Variants in GRAMD1B observed in about 807,000 individuals in gnomAD.
The protein encoded by GRAMD1B is protein Aster-B.
A neutral mutation model predicts 99.7 loss-of-function variants in GRAMD1B; 37 were observed. The ratio of observed to expected loss-of-function variants is 0.37; its 90% confidence interval spans 0.29 to 0.49. The LOEUF (loss-of-function observed/expected upper bound fraction) is 0.49. Among genes scored for constraint, GRAMD1B ranks in the 20% least tolerant of loss-of-function variants. The pLI is 0.98. For synonymous variants in GRAMD1B, 427 were observed against 387.6 expected (o/e 1.10, Z -1.19); for missense variants, 888 against 1,009.2 (o/e 0.88, Z 1.63).
chr11:123,434,265 C>T (rs990365805), intron 1 of GRAMD1B, among the ~76,000 whole-genome samples: 5 of 132,816 alleles, frequency 3.8e-5, no homozygotes, highest in Middle Eastern at 3.9e-3. Flanking sequence ...CCACCACCAA[C>T]AAAAAACAAG....
At chr11:123,513,515 TTTCC>T (rs58960047) in intron 2 of GRAMD1B, among the ~76,000 whole-genome samples, 5,857 of 144,656 alleles carry the variant, frequency 0.04, 155 homozygotes, top group Middle Eastern at 0.059. Context: ...TCTTTCTTTC[TTTCC>T]TTCCTTCCTT....
intron 1 of GRAMD1B, among the ~76,000 whole-genome samples, chr11:123,417,872 T>A (rs543139979): frequency 6.6e-6 from 1 of 152,064 alleles, no homozygotes; most frequent in Non-Finnish European, 1.5e-5. Context: ...GAGGTGGAGG[T>A]TGCAGTGAGC....
chr11:123,431,134 G>C lies in GRAMD1B; in HGVS notation c.342G>C (p.Arg114Ser). 1 of 702,960 alleles carries C rather than the reference G, an allele frequency of 1.4e-6. No homozygotes were observed. The highest frequency in any genetic ancestry group is 2.7e-5 in the East Asian group (1 of 37,276). 43.5% of individuals were successfully genotyped at this position (702,960 alleles called of 1,614,324 possible). A position where few individuals can be genotyped will look rare whatever the true frequency, so the allele number is the denominator to read the frequency against. Residue 114 changes from arginine (R) to serine (S), a missense_variant, in exon 1 of 20, where the codon AGG becomes AGC. Coordinates refer to ENST00000635736, the MANE Select transcript of GRAMD1B (RefSeq NM_001387025.1). ...RKRFLLRKWL[R>S]VRERKECSES... Reference sequence around the variant, plus strand: ...GCTTCCTCCTCCGCAAGTGGCTGAGGGTGAGGGAGCGGAAGGAGTGCAGTG... The same window carrying C: ...GCTTCCTCCTCCGCAAGTGGCTGAGCGTGAGGGAGCGGAAGGAGTGCAGTG...
At chr11:123,372,328 G>T (rs1946556108) in intron 1 of GRAMD1B, among the ~76,000 whole-genome samples, 1 of 152,094 alleles carries the variant, frequency 6.6e-6, no homozygotes, top group South Asian at 2.1e-4. Context: ...TATGTTCCTG[G>T]CCATTTAGGA....
chr11:123,508,023 TAAC>T (rs779351911), intron 2 of GRAMD1B, among the ~76,000 whole-genome samples: 1 of 152,220 alleles, frequency 6.6e-6, no homozygotes, highest in Non-Finnish European at 1.5e-5. Flanking sequence ...TAGTTATCTT[TAAC>T]ATGGGGGAAA....
chr11:123,499,156 G>A (rs1185540526), intron 2 of GRAMD1B, among the ~76,000 whole-genome samples: 4 of 152,154 alleles, frequency 2.6e-5, no homozygotes, highest in African/African-American at 9.7e-5. Flanking sequence ...CCTCTGGGAG[G>A]TAATTAGGAT....
At chr11:123,470,342 C>T (rs1950949741) in intron 1 of GRAMD1B, among the ~76,000 whole-genome samples, 1 of 152,150 alleles carries the variant, frequency 6.6e-6, no homozygotes, top group Admixed American at 6.5e-5. Context: ...GAGAGCAGCT[C>T]ATATTTTTTT....
chr11:123,578,948 G>A (rs143326684), intron 3 of GRAMD1B, among the ~76,000 whole-genome samples: 2 of 152,274 alleles, frequency 1.3e-5, no homozygotes, highest in Admixed American at 6.5e-5. Flanking sequence ...CTCTGCCTGC[G>A]TACTCTGTTC....
chr11:123,381,360 ATT>A (rs1946866647), intron 1 of GRAMD1B: 8 of 154,196 alleles, frequency 5.2e-5, no homozygotes, highest in Admixed American at 2.6e-4. Flanking sequence ...TGGCAATCCA[ATT>A]CTCCCTATTG....
At chr11:123,568,475 C>A (rs923508765) in intron 2 of GRAMD1B, among the ~76,000 whole-genome samples, 1 of 152,232 alleles carries the variant, frequency 6.6e-6, no homozygotes, top group Non-Finnish European at 1.5e-5. Flanking sequence ...TTGGAAAGGC[C>A]TCCAGGAATC....
chr11:123,401,112 T>C (rs914326868), intron 1 of GRAMD1B, among the ~76,000 whole-genome samples: 1 of 152,196 alleles, frequency 6.6e-6, no homozygotes, highest in African/African-American at 2.4e-5. Context: ...TATTTCCACT[T>C]TCTAGATGAA....
At chr11:123,488,667 G>A (rs1485689438) in intron 2 of GRAMD1B, among the ~76,000 whole-genome samples, 1 of 139,846 alleles carries the variant, frequency 7.2e-6, no homozygotes, top group African/African-American at 2.5e-5. Flanking sequence ...GAAAGCTTTG[G>A]CCCTCCTCCT....
chr11:123,579,365 A>C (rs1949080502), intron 3 of GRAMD1B, among the ~76,000 whole-genome samples: 1 of 152,200 alleles, frequency 6.6e-6, no homozygotes, highest in Non-Finnish European at 1.5e-5. Flanking sequence ...TCCTAAGGGA[A>C]GCACAAGGGG....
chr11:123,593,268 T>A (rs539865419), intron 4 of GRAMD1B, among the ~76,000 whole-genome samples: 47 of 149,272 alleles, frequency 3.1e-4, no homozygotes, highest in Non-Finnish European at 6.3e-4. Context: ...CAAACAAGAT[T>A]GTAAGCCCTC....
intron 1 of GRAMD1B, chr11:123,435,531 C>T: frequency 1.5e-6 from 1 of 686,948 alleles, no homozygotes; most frequent in Non-Finnish European, 2.6e-6. Flanking sequence ...AGAAGTGGAA[C>T]AAATGGTAAA....
At chr11:123,596,089 CTT>C in intron 7 of GRAMD1B, 52 bp downstream of exon 7, 1 of 952,330 alleles carries the variant, frequency 1.1e-6, no homozygotes, top group South Asian at 1.5e-5. Flanking sequence ...TCCTCCTACT[CTT>C]GTATTTCTGC....
rs34697633 is a variant in GRAMD1B, at chr11:123,625,973, A to AGAGAGAGAGAGAGAGAGAGAGAGATC, written c.*3386_*3387insGAGAGAGAGAGAGAGATCGAGAGAGA. On this transcript the variant is annotated 3_prime_UTR_variant, in exon 20 of 20. Transcript: ENST00000635736. ...GAGAGAGAGAGAGAGAGAGAGAGAG[A>AGAGAGAGAGAGAGAGAGAGAGAGATC]GAGAGAGATCGAGCTTGATGTATTG... is the stretch of plus-strand genomic sequence containing the variant. 30 of 139,836 alleles carry AGAGAGAGAGAGAGAGAGAGAGAGATC rather than the reference A, an allele frequency of 2.1e-4. No homozygotes were observed. Among genetic ancestry groups the AGAGAGAGAGAGAGAGAGAGAGAGATC allele is most frequent in the Non-Finnish European group, 4.1e-4 (26 of 63,896 alleles). 8.7% of individuals were successfully genotyped at this position (139,836 alleles called of 1,614,324 possible).
rs775140223 is a variant in GRAMD1B at position 123,587,572 on chromosome 11, G to A, written c.684+3240G>A. Reference sequence around the variant, plus strand: ...GCCCCCAACGGGGCATAACATCACAGGGGTTTCCTTCCTTGGCCTCCTGGC... The same window carrying A: ...GCCCCCAACGGGGCATAACATCACAAGGGTTTCCTTCCTTGGCCTCCTGGC... On this transcript the variant is annotated intron_variant, in intron 4 of 19. Coordinates refer to ENST00000635736, the MANE Select transcript of GRAMD1B (RefSeq NM_001387025.1). This position sits in a 1 kb window ranked among gnomAD's most constrained non-coding sequence, Gnocchi z 4.2. 3.9e-5 allele frequency among the ~76,000 whole-genome samples: 6 copies of A among 152,238 alleles called. No homozygotes were observed. Among genetic ancestry groups the A allele is most frequent in the Non-Finnish European group, 7.3e-5 (5 of 68,042 alleles).
rs939220039 is a variant in GRAMD1B at position 123,480,806 on chromosome 11, C to T, written c.375-10C>T. On this transcript the variant is annotated splice_polypyrimidine_tract_variant and intron_variant, in intron 1 of 19. Coordinates refer to ENST00000635736, the MANE Select transcript of GRAMD1B (RefSeq NM_001387025.1). Reference sequence around the variant, plus strand: ...GAAGTTAACGGTTGATATCCTATGTCTTTCCTCAGCAGCCAACAGAGCAGT... The same window carrying T: ...GAAGTTAACGGTTGATATCCTATGTTTTTCCTCAGCAGCCAACAGAGCAGT... 3 of 398,822 alleles carry T rather than the reference C, an allele frequency of 7.5e-6. No homozygotes were observed. The highest frequency in any genetic ancestry group is 1.3e-5 in the Non-Finnish European group (3 of 226,122). 24.7% of individuals were successfully genotyped at this position (398,822 alleles called of 1,614,324 possible).
Sources: allele counts gnomAD v4.1 joint callset (sites outside exome capture counted in the v4.1 genomes callset), GRCh38; gene constraint gnomAD v4.1.1; non-coding constraint Gnocchi (gnomAD v3.1); transcripts MANE v1.5; gene names NCBI Gene and HGNC (gene_info 2026-07-23, HGNC 2026-07-21).